PTK2: variants seen among roughly 807,000 people sequenced by gnomAD.
The protein encoded by PTK2 is focal adhesion kinase 1.
PTK2 carries 45 observed loss-of-function variants against 150.1 expected under a neutral mutation model. The ratio of observed to expected loss-of-function variants is 0.30; its 90% CI spans 0.24 to 0.38. The LOEUF (loss-of-function observed/expected upper bound fraction) is 0.38. PTK2 is among the 10% of genes least tolerant of loss of function. The probability of loss-of-function intolerance (pLI) is 1.00; values close to 1 mark genes in which losing one functional copy is unlikely to be tolerated. For missense variants in PTK2, 919 were observed against 1,307.3 expected, an observed-to-expected ratio of 0.70 and a Z score of 4.58; for synonymous variants, 432 against 449.2, an observed-to-expected ratio of 0.96 and a Z score of 0.48.
intron 10 of PTK2, among the ~76,000 whole-genome samples, chr8:140,814,950 A>G (rs1420605625): frequency 2.0e-5 from 3 of 151,876 alleles, no homozygotes; most frequent in African/African-American, 7.3e-5. Flanking sequence ...GATTTTTTGT[A>G]TTTTTAGTAG....
At chr8:140,815,097 A>G (rs2100103913) in intron 10 of PTK2, among the ~76,000 whole-genome samples, 1 of 152,160 alleles carries the variant, frequency 6.6e-6, no homozygotes, top group Admixed American at 6.5e-5. Flanking sequence ...ATAAAGACAC[A>G]TATACATGTA....
chr8:140,818,990 T>C (rs367712418), exon 9 of PTK2: 1 of 1,613,242 alleles, frequency 6.2e-7, no homozygotes, highest in Non-Finnish European at 8.5e-7. Flanking sequence ...TGTCTAAATG[T>C]TTGTTGGATC....
At chr8:140,856,411 G>A (rs530864660) in intron 5 of PTK2, among the ~76,000 whole-genome samples, 3 of 152,006 alleles carry the variant, frequency 2.0e-5, no homozygotes, top group African/African-American at 4.8e-5. Flanking sequence ...CAGTCCAGAT[G>A]TTCATCAACA....
chr8:140,837,621 T>C (rs1450585309), intron 7 of PTK2, among the ~76,000 whole-genome samples: 1 of 151,916 alleles, frequency 6.6e-6, no homozygotes, highest in African/African-American at 2.4e-5. Context: ...CCCTGATACT[T>C]GGGTGGCTGA....
chr8:140,905,946 ATAAG>A (rs2100160695), intron 2 of PTK2, among the ~76,000 whole-genome samples: 1 of 152,150 alleles, frequency 6.6e-6, no homozygotes, highest in Non-Finnish European at 1.5e-5. Context: ...GAAGGCAGAA[ATAAG>A]TAAGTTATTT....
At chr8:140,886,253 AAGAC>A (rs2100152248) in intron 3 of PTK2, among the ~76,000 whole-genome samples, 1 of 152,198 alleles carries the variant, frequency 6.6e-6, no homozygotes, top group Non-Finnish European at 1.5e-5. Context: ...AAGAAGTGTA[AAGAC>A]AGAGAAGTGA....
At chr8:140,970,956 CAA>C (rs2100187049) in intron 1 of PTK2, among the ~76,000 whole-genome samples, 1 of 151,476 alleles carries the variant, frequency 6.6e-6, no homozygotes, top group Admixed American at 6.6e-5. Flanking sequence ...AACAGTTGCT[CAA>C]AGAGTTGAGG....
chr8:140,773,271 G>A (rs2100076564), intron 14 of PTK2, among the ~76,000 whole-genome samples: 1 of 152,166 alleles, frequency 6.6e-6, no homozygotes, highest in South Asian at 2.1e-4. Context: ...TTGAACACCT[G>A]CCATAAACTA....
chr8:140,921,784 C>A (rs1225498393), intron 2 of PTK2, among the ~76,000 whole-genome samples: 1 of 152,162 alleles, frequency 6.6e-6, no homozygotes, highest in African/African-American at 2.4e-5. Context: ...CTAAAGAAGA[C>A]AGACAGAAAA....
At position 140,737,144 on chromosome 8, in the gene PTK2, T is replaced by C. The variant is rs549576619; in HGVS notation, c.1826-1689A>G. Among the ~76,000 whole-genome samples the C allele has an allele frequency of 2.2e-4, 33 of 152,306 alleles. No individual in the cohort carries two copies. In the South Asian group the frequency reaches 6.6e-3, roughly 31 times the overall value. Reference sequence around the variant, plus strand: ...ACTTCTTAGAAATTTTACAAATATATATATTTTTGAGACAAAGCCTCCATC... The same window carrying C: ...ACTTCTTAGAAATTTTACAAATATACATATTTTTGAGACAAAGCCTCCATC... On this transcript the variant is annotated intron_variant, in intron 21 of 31. Transcript: ENST00000522684.
intron 8 of PTK2, among the ~76,000 whole-genome samples, chr8:140,827,923 T>G (rs1188920868): frequency 1.4e-4 from 21 of 152,092 alleles, no homozygotes; most frequent in Admixed American, 1.3e-3. Flanking sequence ...TCCCAGCACT[T>G]TGGGAGGCCA....
intron 23 of PTK2, among the ~76,000 whole-genome samples, chr8:140,710,658 G>A (rs1300348783): frequency 6.6e-6 from 1 of 152,146 alleles, no homozygotes; most frequent in Non-Finnish European, 1.5e-5. Context: ...GCAACAGAGT[G>A]AGACTCTGTC....
intron 22 of PTK2, chr8:140,718,693 A>T (rs1432499563): frequency 6.6e-6 from 1 of 152,208 alleles, no homozygotes; most frequent in African/African-American, 2.4e-5. Context: ...TCAACTGTTT[A>T]AAAAGACATT....
At chr8:140,995,565 GA>G (rs1331608211) in intron 1 of PTK2, among the ~76,000 whole-genome samples, 13 of 151,988 alleles carry the variant, frequency 8.6e-5, no homozygotes, top group Non-Finnish European at 1.6e-4. Context: ...AGCACTTTGG[GA>G]AAAGGTGGGC....
intron 14 of PTK2, among the ~76,000 whole-genome samples, chr8:140,783,333 T>G (rs753440944): frequency 1.3e-5 from 2 of 152,226 alleles, no homozygotes; most frequent in Non-Finnish European, 2.9e-5. Context: ...TATTACTTAC[T>G]AGCTATGTGA....
At chr8:140,662,801 A>T (rs2082599356) in intron 31 of PTK2, 7 of 525,368 alleles carry the variant, frequency 1.3e-5, no homozygotes. Context: ...TGGAGATGCA[A>T]AATCTCAATC....
chr8:140,746,775 C>T (rs146260066), exon 18 of PTK2: 1 of 1,611,466 alleles, frequency 6.2e-7, no homozygotes, highest in Non-Finnish European at 8.5e-7. Flanking sequence ...CAAGTGTGCA[C>T]AGCTCCATGA....
At position 140,752,547 on chromosome 8, in the gene PTK2, C is replaced by T. The variant is rs558032798; in HGVS notation, c.1333-231G>A. Among the ~76,000 whole-genome samples the T allele has an allele frequency of 2.7e-4, 41 of 152,360 alleles. No homozygotes were observed. The South Asian group carries it at 7.9e-3, about 29-fold the overall frequency. The stretch of plus-strand genomic sequence containing the variant: ...AGCAAATCATTTATTCATTCATCTA[C>T]AAACATGTGTTAGAGATACACCATG... On this transcript the variant is annotated intron_variant, in intron 16 of 31. Coordinates refer to ENST00000522684, the Ensembl canonical transcript of PTK2.
chr8:140,889,559 C>A (rs891246675), intron 3 of PTK2, among the ~76,000 whole-genome samples: 1 of 151,584 alleles, frequency 6.6e-6, no homozygotes, highest in Non-Finnish European at 1.5e-5. Context: ...TCTACCAATC[C>A]CTTTGCTTTG....
Sources: gnomAD v4.1 joint callset for allele counts (sites outside exome capture counted in the v4.1 genomes callset) on GRCh38, gnomAD v4.1.1 for gene constraint, MANE v1.5 for transcripts, NCBI Gene and HGNC (gene_info 2026-07-23, HGNC 2026-07-21) for gene names.